NR2F1-AS1: variants seen among roughly 807,000 people sequenced by gnomAD.
NR2F1-AS1 encodes the protein NR2F1 regulatory antisense RNA 1, also known as NR2F1 antisense RNA 1.
At chr5:93,479,587 C>T (rs956999050) in intron 4 of NR2F1-AS1, among the ~76,000 whole-genome samples, 4 of 152,114 alleles carry the variant, frequency 2.6e-5, no homozygotes, top group South Asian at 4.1e-4. Flanking sequence ...TGCCACATTA[C>T]GGTATTCAAA....
At chr5:93,453,791 C>T (rs1388442231) in intron 4 of NR2F1-AS1, among the ~76,000 whole-genome samples, 3 of 152,052 alleles carry the variant, frequency 2.0e-5, no homozygotes. Context: ...AAAATACAGA[C>T]CTTTTCCAGA....
intron 4 of NR2F1-AS1, among the ~76,000 whole-genome samples, chr5:93,538,054 T>C (rs1032868945): frequency 6.6e-5 from 10 of 152,150 alleles, no homozygotes; most frequent in African/African-American, 2.4e-4. Flanking sequence ...TGGTATGGTG[T>C]CCTGTCTAGG....
chr5:93,533,524 A>C (rs1751775571), intron 4 of NR2F1-AS1, among the ~76,000 whole-genome samples: 1 of 152,092 alleles, frequency 6.6e-6, no homozygotes, highest in South Asian at 2.1e-4. Flanking sequence ...AATTGCCTGG[A>C]TACTTCACAG....
upstream of NR2F1-AS1, chr5:93,585,231 A>AAGGGCC (rs1322447590): frequency 1.3e-6 from 2 of 1,553,492 alleles, no homozygotes; most frequent in Non-Finnish European, 8.7e-7. Context: ...GGCGGGGGAC[A>AAGGGCC]AGGGCCAGGG....
chr5:93,460,512 C>T (rs1331890776), intron 4 of NR2F1-AS1, among the ~76,000 whole-genome samples: 2 of 152,100 alleles, frequency 1.3e-5, no homozygotes, highest in Admixed American at 6.5e-5. Context: ...TGATCAACTA[C>T]TACAGAAATA....
intron 4 of NR2F1-AS1, among the ~76,000 whole-genome samples, chr5:93,526,130 G>C (rs941355655): frequency 6.6e-6 from 1 of 152,074 alleles, no homozygotes; most frequent in African/African-American, 2.4e-5. Flanking sequence ...AAGGAGAAAA[G>C]AGAGAAGAAT....
intron 4 of NR2F1-AS1, among the ~76,000 whole-genome samples, chr5:93,528,912 G>A (rs1405468167): frequency 6.6e-6 from 1 of 152,026 alleles, no homozygotes; most frequent in East Asian, 1.9e-4. Context: ...TGGGGGGCTA[G>A]GGGAGGGATA....
intron 4 of NR2F1-AS1, among the ~76,000 whole-genome samples, chr5:93,519,908 T>G (rs189722252): frequency 1.7e-4 from 26 of 152,174 alleles, no homozygotes; most frequent in Non-Finnish European, 3.8e-4. Flanking sequence ...TCATCTATGA[T>G]GACTCAGTAT....
chr5:93,531,686 A>G, intron 4 of NR2F1-AS1, among the ~76,000 whole-genome samples: 1 of 152,178 alleles, frequency 6.6e-6, no homozygotes, highest in African/African-American at 2.4e-5. Context: ...CCAGTGCCTC[A>G]CATCTTTATT....
At chr5:93,481,373 T>C (rs1433375327) in intron 4 of NR2F1-AS1, among the ~76,000 whole-genome samples, 4 of 151,972 alleles carry the variant, frequency 2.6e-5, no homozygotes, top group Non-Finnish European at 5.9e-5. Context: ...ATATATAAAG[T>C]AAATAGTGAC....
chr5:93,520,726 CA>C (rs2149895180), intron 4 of NR2F1-AS1, among the ~76,000 whole-genome samples: 1 of 152,068 alleles, frequency 6.6e-6, no homozygotes, highest in African/African-American at 2.4e-5. Flanking sequence ...TTTAAATGAG[CA>C]AAAGGAAGGT....
At chr5:93,562,502 C>T (rs566264433) in intron 2 of NR2F1-AS1, among the ~76,000 whole-genome samples, 136 of 152,206 alleles carry the variant, frequency 8.9e-4, no homozygotes, top group African/African-American at 3.1e-3. Flanking sequence ...CCATGTTGCC[C>T]AGGCTAGTCT....
intron 4 of NR2F1-AS1, among the ~76,000 whole-genome samples, chr5:93,502,536 G>T (rs369022834): frequency 3.3e-5 from 5 of 152,122 alleles, no homozygotes; most frequent in African/African-American, 1.2e-4. Flanking sequence ...ATGTGGTTTG[G>T]GGCCCATGTA....
chr5:93,570,125 G>T (rs1337376866), intron 1 of NR2F1-AS1: 2 of 152,178 alleles, frequency 1.3e-5, no homozygotes, highest in Non-Finnish European at 2.9e-5. Flanking sequence ...TCCTTTTTAT[G>T]AACTACATAG....
intron 1 of NR2F1-AS1, among the ~76,000 whole-genome samples, chr5:93,578,083 A>C (rs1263589462): frequency 1.3e-5 from 2 of 152,196 alleles, no homozygotes; most frequent in African/African-American, 4.8e-5. Flanking sequence ...AATTAGTGAA[A>C]AATGGTTCAG....
At chr5:93,479,680 A>G (rs755763323) in intron 4 of NR2F1-AS1, among the ~76,000 whole-genome samples, 4 of 152,116 alleles carry the variant, frequency 2.6e-5, no homozygotes, top group Non-Finnish European at 5.9e-5. Flanking sequence ...AATGATAAAG[A>G]CCATTCCTGA....
chr5:93,521,899 C>T (rs1315917535), intron 4 of NR2F1-AS1, among the ~76,000 whole-genome samples: 2 of 152,202 alleles, frequency 1.3e-5, no homozygotes, highest in African/African-American at 4.8e-5. Flanking sequence ...CATATAGACA[C>T]ATGCATGTGG....
intron 4 of NR2F1-AS1, among the ~76,000 whole-genome samples, chr5:93,457,445 A>G (rs1749975676): frequency 1.3e-5 from 2 of 152,328 alleles, no homozygotes; most frequent in East Asian, 3.9e-4. Context: ...CACAGGGTTA[A>G]GGGTAGGGTT....
In NR2F1-AS1 at chr5:93,526,517, C is replaced by T. The variant is rs755907304; in HGVS notation, n.638+27244G>A. Among the ~76,000 whole-genome samples, 60 of 152,132 alleles carry T rather than the reference C, an allele frequency of 3.9e-4. 1 individual carries two copies. Among genetic ancestry groups the T allele is most frequent in the Admixed American group, 2.8e-3 (43 of 15,264 alleles). On this transcript the variant is annotated intron_variant and non_coding_transcript_variant, in intron 4 of 5. Transcript: ENST00000660523. The stretch of plus-strand genomic sequence containing the variant: ...TTATGAGACCAGGGTCATCCTGATA[C>T]CAAAACCTGGCAGAGACATAACACA...
Sources: gnomAD v4.1 joint callset for allele counts (sites outside exome capture counted in the v4.1 genomes callset) on GRCh38, gnomAD v4.1.1 for gene constraint, MANE v1.5 for transcripts, NCBI Gene and HGNC (gene_info 2026-07-23, HGNC 2026-07-21) for gene names.